The following CLVS1 variants were observed in gnomAD, a reference collection of about 807,000 sequenced individuals.
CLVS1 encodes clavesin-1.
In CLVS1, 10 loss-of-function variants were observed where a neutral mutation model predicts 33.1. The observed-to-expected ratio is 0.30, with a 90% CI of 0.19 to 0.51. CLVS1 has a LOEUF of 0.51. Among genes scored for constraint, CLVS1 ranks in the 20% least tolerant of loss-of-function variants. The pLI is 0.97. For synonymous variants in CLVS1, 163 were observed against 166.1 expected, an observed-to-expected ratio of 0.98 and a Z score of 0.14; for missense variants, 343 against 433.4, an observed-to-expected ratio of 0.79 and a Z score of 1.85.
intron 2 of CLVS1, among the ~76,000 whole-genome samples, chr8:61,357,454 G>GA (rs1563513929): frequency 1.4e-5 from 2 of 141,810 alleles, no homozygotes; most frequent in African/African-American, 5.1e-5. Flanking sequence ...CTGTTTGCCA[G>GA]GACGTTTTTT....
At chr8:61,439,125 T>C (rs1816448461) in intron 3 of CLVS1, among the ~76,000 whole-genome samples, 2 of 152,214 alleles carry the variant, frequency 1.3e-5, no homozygotes. Context: ...GACACCATGA[T>C]CTTATGAGTT....
intron 1 of CLVS1, among the ~76,000 whole-genome samples, chr8:61,086,257 T>A (rs1226359361): frequency 6.6e-6 from 1 of 151,838 alleles, no homozygotes; most frequent in African/African-American, 2.4e-5. Flanking sequence ...ATAAAATGCA[T>A]GACCTTATGA....
intron 1 of CLVS1, among the ~76,000 whole-genome samples, chr8:61,093,677 C>A (rs1044399914): frequency 2.0e-5 from 3 of 152,204 alleles, no homozygotes; most frequent in Non-Finnish European, 4.4e-5. Flanking sequence ...AGGCACTAAG[C>A]TGATCTTCGT....
At chr8:61,228,791 A>C (rs2129311411) in intron 2 of CLVS1, among the ~76,000 whole-genome samples, 1 of 152,292 alleles carries the variant, frequency 6.6e-6, no homozygotes, top group South Asian at 2.1e-4. Context: ...GCATTTATTC[A>C]TTGGTAGACA....
chr8:61,092,442 G>C (rs999086438), intron 1 of CLVS1, among the ~76,000 whole-genome samples: 5 of 152,228 alleles, frequency 3.3e-5, no homozygotes, highest in South Asian at 4.1e-4. Flanking sequence ...CATAAACGCA[G>C]TGGCTTATAA....
chr8:61,128,698 C>T (rs978619982), intron 1 of CLVS1, among the ~76,000 whole-genome samples: 15 of 152,196 alleles, frequency 9.9e-5, no homozygotes, highest in African/African-American at 3.6e-4. Context: ...GAAGGTACCT[C>T]TCCATGTGAA....
intron 1 of CLVS1, among the ~76,000 whole-genome samples, chr8:61,069,511 T>C (rs951267844): frequency 6.6e-6 from 1 of 152,180 alleles, no homozygotes; most frequent in Admixed American, 6.5e-5. Flanking sequence ...CTTTGGTGCA[T>C]CTTATAGCAG....
At chr8:61,433,261 G>A (rs1816183657) in intron 3 of CLVS1, among the ~76,000 whole-genome samples, 1 of 152,182 alleles carries the variant, frequency 6.6e-6, no homozygotes, top group Non-Finnish European at 1.5e-5. Flanking sequence ...ACCAGTGGTT[G>A]CATTCTTGTA....
At position 61,299,889 on chromosome 8, in the gene CLVS1, C is replaced by T. The variant is rs1432471633; in HGVS notation, c.62C>T (p.Ala21Val). 6.2e-7 allele frequency: 1 copy of T among 1,613,772 alleles called. No homozygotes were observed. ...QKLNTWNGDL[A>V]KMTHLQAGLS... The stretch of plus-strand genomic sequence containing the variant: ...TTAAACACTTGGAACGGAGATTTGG[C>T]CAAGATGACCCATTTACAGGCTGGA... Residue 21 changes from alanine (A) to valine (V), a missense_variant, in exon 2 of 6, where the codon GCC becomes GTC. Physicochemically the swap from Ala to Val is moderately conservative, Grantham distance 64 (BLOSUM62 0). Coordinates refer to ENST00000325897, the MANE Select transcript of CLVS1 (RefSeq NM_173519.3).
chr8:61,102,670 C>A (rs936144302), intron 1 of CLVS1, among the ~76,000 whole-genome samples: 2 of 152,154 alleles, frequency 1.3e-5, no homozygotes, highest in Admixed American at 6.5e-5. Context: ...AGCTCCATGA[C>A]CCTCACAAGT....
At chr8:61,165,370 G>A (rs1806840214) in intron 2 of CLVS1, among the ~76,000 whole-genome samples, 1 of 152,200 alleles carries the variant, frequency 6.6e-6, no homozygotes, top group South Asian at 2.1e-4. Flanking sequence ...CCCATACAAG[G>A]GGAGGGGACC....
chr8:61,278,858 C>T (rs560757720), intron 2 of CLVS1, among the ~76,000 whole-genome samples: 1 of 152,254 alleles, frequency 6.6e-6, no homozygotes, highest in Admixed American at 6.5e-5. Flanking sequence ...CTTCCTACTC[C>T]CATGCTCCTG....
At chr8:61,050,230 T>C in the CLVS1 span, among the ~76,000 whole-genome samples, 1 of 152,256 alleles carries the variant, frequency 6.6e-6, no homozygotes, top group African/African-American at 2.4e-5. Flanking sequence ...ATGATGCCAT[T>C]TGCATCCAAA....
the CLVS1 span, among the ~76,000 whole-genome samples, chr8:61,048,870 C>T: frequency 1.2e-4 from 18 of 152,144 alleles, no homozygotes; most frequent in Non-Finnish European, 2.4e-4. Flanking sequence ...CTCCCTCCAT[C>T]AATCCTATGC....
the CLVS1 span, among the ~76,000 whole-genome samples, chr8:61,045,575 A>T: frequency 3.3e-3 from 496 of 152,330 alleles, 1 homozygote; most frequent in African/African-American, 0.011. Context: ...TGGATGAGGG[A>T]CTACTTTAGA....
chr8:61,090,847 G>T, intron 1 of CLVS1: 1 of 518,006 alleles, frequency 1.9e-6, no homozygotes, highest in Non-Finnish European at 3.9e-6. Context: ...TAAGATTTGG[G>T]ACTTTTGAGC....
intron 3 of CLVS1, among the ~76,000 whole-genome samples, chr8:61,428,883 C>T (rs942870673): frequency 1.3e-5 from 2 of 152,158 alleles, no homozygotes; most frequent in Non-Finnish European, 2.9e-5. Context: ...ACAATTAAAA[C>T]CCGCGTTATT....
intron 1 of CLVS1, among the ~76,000 whole-genome samples, chr8:61,125,306 A>G (rs532225177): frequency 2.4e-4 from 37 of 152,218 alleles, no homozygotes; most frequent in African/African-American, 8.9e-4. Flanking sequence ...GCTCACAGCT[A>G]TGGATGGTTT....
chr8:61,449,039 C>CTT (rs200421449), intron 3 of CLVS1, among the ~76,000 whole-genome samples: 2 of 146,504 alleles, frequency 1.4e-5, no homozygotes, highest in Non-Finnish European at 3.0e-5. Flanking sequence ...TTTTAGCTGG[C>CTT]TTTTTTTTTT....
Sources: gnomAD v4.1 joint callset for allele counts (sites outside exome capture counted in the v4.1 genomes callset) on GRCh38, gnomAD v4.1.1 for gene constraint, MANE v1.5 for transcripts, NCBI Gene and HGNC (gene_info 2026-07-23, HGNC 2026-07-21) for gene names.